Variants in KCNT2 observed in about 807,000 individuals in gnomAD.
KCNT2 encodes potassium channel subfamily T member 2.
KCNT2 carries 67 observed loss-of-function variants against 153.8 expected under a neutral mutation model. The ratio of observed to expected loss-of-function variants is 0.44; its 90% CI spans 0.36 to 0.53. The LOEUF is 0.53. Among genes scored for constraint, KCNT2 ranks in the 20% least tolerant of loss-of-function variants. The pLI is 0.00. For missense variants in KCNT2, 975 were observed against 1,354.8 expected (o/e 0.72, Z 4.40); for synonymous variants, 500 against 458.8 (o/e 1.09, Z -1.15).
At chr1:196,326,358 CAA>C (rs145358818) in intron 19 of KCNT2, among the ~76,000 whole-genome samples, 1 of 145,706 alleles carries the variant, frequency 6.9e-6, no homozygotes. Context: ...TTTAGAAAGA[CAA>C]AAAAAAAATT....
chr1:196,437,639 T>C (rs954387114), intron 8 of KCNT2, among the ~76,000 whole-genome samples: 1 of 150,562 alleles, frequency 6.6e-6, no homozygotes, highest in Non-Finnish European at 1.5e-5. Context: ...AAATGAAAAA[T>C]TGCAAATGAA....
At chr1:196,313,639 T>C (rs1008816146) in intron 21 of KCNT2, among the ~76,000 whole-genome samples, 2 of 151,562 alleles carry the variant, frequency 1.3e-5, no homozygotes, top group Non-Finnish European at 3.0e-5. Context: ...TAGCCTAGCT[T>C]AGCATACACA....
intron 1 of KCNT2, among the ~76,000 whole-genome samples, chr1:196,509,201 G>A (rs1031432927): frequency 4.0e-5 from 6 of 150,986 alleles, no homozygotes; most frequent in South Asian, 2.1e-4. Flanking sequence ...CCCAAGAAGC[G>A]GAAGTTGCAG....
chr1:196,488,046 A>G (rs1679570357), intron 3 of KCNT2, among the ~76,000 whole-genome samples: 1 of 151,974 alleles, frequency 6.6e-6, no homozygotes, highest in African/African-American at 2.4e-5. Flanking sequence ...CATTTACTAC[A>G]CATTATCTGT....
chr1:196,374,866 T>C (rs930674376), intron 13 of KCNT2, among the ~76,000 whole-genome samples: 2 of 151,710 alleles, frequency 1.3e-5, no homozygotes, highest in African/African-American at 4.8e-5. Context: ...CTGAGAAAAA[T>C]ATGTACATTT....
rs188387840 is a variant in KCNT2, at chr1:196,406,460, T to C, written c.1186-7789A>G. Among the ~76,000 whole-genome samples the C allele has an allele frequency of 6.2e-3, 941 of 151,448 alleles. 4 individuals carry two copies. Among genetic ancestry groups the C allele is most frequent in the Non-Finnish European group, 9.3e-3 (631 of 67,570 alleles). On this transcript the variant is annotated intron_variant, in intron 12 of 27. Coordinates refer to ENST00000294725, the MANE Select transcript of KCNT2 (RefSeq NM_198503.5). The stretch of plus-strand genomic sequence containing the variant: ...ACCATTAAAATATGTGGCTGCATTT[T>C]ACGATAGAATAGCTGGCTATCAGAA...
rs571056704 is a variant in KCNT2 at position 196,555,038 on chromosome 1, A to G, written c.95+53177T>C. 7.6e-4 allele frequency among the ~76,000 whole-genome samples: 115 copies of G among 151,292 alleles called. 1 individual carries two copies. Among genetic ancestry groups the G allele is most frequent in the African/African-American group, 2.7e-3 (113 of 41,428 alleles). On this transcript the variant is annotated intron_variant, in intron 1 of 27. Coordinates refer to ENST00000294725, the MANE Select transcript of KCNT2 (RefSeq NM_198503.5). ...AGACTCACAGATAGTATCATACTGCATGGGAAAAAAACTGGCAACCTTTCC... is the reference window on the plus strand; with the variant it reads ...AGACTCACAGATAGTATCATACTGCGTGGGAAAAAAACTGGCAACCTTTCC...
At chr1:196,527,190 A>G (rs1051679676) in intron 1 of KCNT2, among the ~76,000 whole-genome samples, 1 of 152,096 alleles carries the variant, frequency 6.6e-6, no homozygotes, top group Non-Finnish European at 1.5e-5. Flanking sequence ...ACTGTTCTAT[A>G]GGATATCTCA....
intron 1 of KCNT2, among the ~76,000 whole-genome samples, chr1:196,526,055 G>GTGTA (rs1553247576): frequency 6.7e-6 from 1 of 149,080 alleles, no homozygotes; most frequent in Non-Finnish European, 1.5e-5. Flanking sequence ...GTGTGTGTGT[G>GTGTA]TGAATCAGCA....
In KCNT2 at chr1:196,273,008, G is replaced by T. The variant is rs1658212547; in HGVS notation, c.2910+7852C>A. On this transcript the variant is annotated intron_variant, in intron 25 of 27. Coordinates refer to ENST00000294725, the MANE Select transcript of KCNT2 (RefSeq NM_198503.5). ...ATTAAGAATATTTACATACACCATG[G>T]TTAAGTAAAACATCTTCTGAAATAA... Among the ~76,000 whole-genome samples the T allele has an allele frequency of 2.0e-5, 3 of 151,716 alleles. No individual in the cohort carries two copies. In the East Asian group the frequency reaches 5.8e-4, roughly 29 times the overall value.
In KCNT2 at chr1:196,489,885, T is replaced by C; in HGVS notation, c.228A>G (p.Leu76=). ...NFSLKLLSCL[L]YIIRVLLENP... ...TTTCTAGTAGTACTCGGATTATGTA[T>C]AATAAGCAGCTTAGTAATTTGAGAG... The change falls in exon 3 of 28, where the codon TTA becomes TTG. Residue 76 remains leucine (L), a synonymous_variant. Coordinates refer to ENST00000294725, the MANE Select transcript of KCNT2 (RefSeq NM_198503.5). 1.3e-6 allele frequency: 2 copies of C among 1,593,376 alleles called. No individual in the cohort carries two copies. The highest frequency in any genetic ancestry group is 1.7e-6 in the Non-Finnish European group (2 of 1,170,222).
chr1:196,469,168 T>C (rs113910874), intron 5 of KCNT2, 100 bp from the exon 6 acceptor site: 1 of 682,106 alleles, frequency 1.5e-6, no homozygotes, highest in Admixed American at 2.4e-5. Flanking sequence ...ATAAGGATGC[T>C]TCCATTAACA....
At chr1:196,247,030 G>A (rs1159143725) in intron 26 of KCNT2, among the ~76,000 whole-genome samples, 1 of 151,940 alleles carries the variant, frequency 6.6e-6, no homozygotes, top group African/African-American at 2.4e-5. Context: ...ATGATCTCTT[G>A]CCTACAAGAA....
intron 1 of KCNT2, among the ~76,000 whole-genome samples, chr1:196,594,267 T>G (rs1177018101): frequency 6.6e-6 from 1 of 152,186 alleles, no homozygotes; most frequent in South Asian, 2.1e-4. Context: ...GAAAAGCTCC[T>G]TGTGAATATT....
intron 1 of KCNT2, among the ~76,000 whole-genome samples, chr1:196,600,282 C>G (rs1267132500): frequency 2.6e-5 from 4 of 152,192 alleles, no homozygotes; most frequent in African/African-American, 9.7e-5. Flanking sequence ...AATGAAATAT[C>G]CCTGTGTCTT....
intron 25 of KCNT2, among the ~76,000 whole-genome samples, chr1:196,275,844 ATAAT>A (rs772362578): frequency 5.3e-5 from 8 of 152,062 alleles, no homozygotes; most frequent in Non-Finnish European, 1.0e-4. Context: ...TACTAAAGAA[ATAAT>A]TAATGAATGG....
chr1:196,582,515 A>G (rs1194707248), intron 1 of KCNT2: 1 of 154,274 alleles, frequency 6.5e-6, no homozygotes, highest in African/African-American at 2.4e-5. Context: ...AACTTGCAGA[A>G]GTGGAGCTGA....
At chr1:196,256,692 C>CAGGTG (rs1396810841) in intron 26 of KCNT2, among the ~76,000 whole-genome samples, 8 of 149,560 alleles carry the variant, frequency 5.3e-5, no homozygotes, top group African/African-American at 1.5e-4. Flanking sequence ...GACAGTTTCA[C>CAGGTG]AGGTGATTAT....
At chr1:196,337,169 C>T (rs1461885069) in intron 16 of KCNT2, among the ~76,000 whole-genome samples, 1 of 151,064 alleles carries the variant, frequency 6.6e-6, no homozygotes, top group African/African-American at 2.4e-5. Context: ...CCCCGCAAAA[C>T]CTGCATTCCC....
Sources: allele counts gnomAD v4.1 joint callset (sites outside exome capture counted in the v4.1 genomes callset), GRCh38; gene constraint gnomAD v4.1.1; transcripts MANE v1.5; gene names NCBI Gene and HGNC (gene_info 2026-07-23, HGNC 2026-07-21).